DCDC2C: variants seen among roughly 807,000 people sequenced by gnomAD.
DCDC2C encodes the protein doublecortin domain-containing protein 2C.
DCDC2C carries 44 observed loss-of-function variants against 45.0 expected under a neutral mutation model. That is an observed-to-expected ratio of 0.98 (90% CI 0.77 to 1.26). The LOEUF (loss-of-function observed/expected upper bound fraction) is 1.26. DCDC2C is among the 50% of genes most tolerant of loss of function. DCDC2C has a pLI of 0.00. For synonymous variants in DCDC2C, 187 were observed against 178.8 expected (o/e 1.05, Z -0.37); for missense variants, 447 against 468.9 (o/e 0.95, Z 0.43).
chr2:3,797,066 A>G (rs886691407), intron 10 of DCDC2C, among the ~76,000 whole-genome samples: 2 of 152,166 alleles, frequency 1.3e-5, no homozygotes, highest in African/African-American at 4.8e-5. Flanking sequence ...TGGTCTATTC[A>G]GAGATTCAAC....
At chr2:3,788,801 C>CCCTT (rs1558228370) in intron 10 of DCDC2C, among the ~76,000 whole-genome samples, 1 of 86,604 alleles carries the variant, frequency 1.2e-5, no homozygotes, top group Non-Finnish European at 2.4e-5. Flanking sequence ...TCCCTTCCTT[C>CCCTT]CCTCCCTTCC....
rs1475931252 is a variant in DCDC2C, at chr2:3,734,889, T to C, written c.417-7031T>C. Among the ~76,000 whole-genome samples the C allele has an allele frequency of 1.3e-5, 2 of 152,148 alleles. No homozygotes were observed. The highest frequency in any genetic ancestry group is 2.4e-5 in the African/African-American group (1 of 41,426). ...CCCTTCAGGTTCATGAAAGTGTCTT[T>C]AGATAGGGGGTTCCTTACTCCCGGG... On this transcript the variant is annotated intron_variant, in intron 3 of 10. Transcript: ENST00000399143. The surrounding 1 kb of genome is among the most constrained non-coding windows in gnomAD (Gnocchi z 4.2).
intron 4 of DCDC2C, among the ~76,000 whole-genome samples, chr2:3,749,355 T>G: frequency 6.6e-6 from 1 of 152,230 alleles, no homozygotes; most frequent in East Asian, 1.9e-4. Context: ...ATATCCATAT[T>G]CTGGCTATTC....
At chr2:3,804,755 C>G (rs146195352) in intron 10 of DCDC2C, among the ~76,000 whole-genome samples, 1 of 152,254 alleles carries the variant, frequency 6.6e-6, no homozygotes, top group East Asian at 1.9e-4. Flanking sequence ...GTACTTCTAC[C>G]CGTGCTGCAC....
At chr2:3,741,494 C>A (rs1003369215) in intron 3 of DCDC2C, among the ~76,000 whole-genome samples, 14 of 152,110 alleles carry the variant, frequency 9.2e-5, no homozygotes, top group African/African-American at 3.4e-4. Flanking sequence ...AGCCCCAGAG[C>A]CTGCCCGTCT....
chr2:3,742,835 G>A (rs1272064736), intron 4 of DCDC2C, among the ~76,000 whole-genome samples: 2 of 152,224 alleles, frequency 1.3e-5, no homozygotes, highest in Non-Finnish European at 2.9e-5. Flanking sequence ...CCCAAGGCCA[G>A]AACTTAGGTT....
chr2:3,839,138 T>G (rs1023910816), intron 10 of DCDC2C, among the ~76,000 whole-genome samples: 2 of 152,222 alleles, frequency 1.3e-5, no homozygotes, highest in African/African-American at 4.8e-5. Flanking sequence ...TTCAAACTAC[T>G]TTTTGATGTA....
intron 4 of DCDC2C, 84 bp from the exon 5 acceptor site, chr2:3,752,679 T>C (rs1223492823): frequency 1.4e-6 from 2 of 1,452,452 alleles, no homozygotes; most frequent in African/African-American, 1.4e-5. Context: ...GCACTAGTCA[T>C]GTCATAGTGT....
chr2:3,815,312 C>A (rs1261739991), intron 10 of DCDC2C, among the ~76,000 whole-genome samples: 7 of 152,040 alleles, frequency 4.6e-5, no homozygotes, highest in African/African-American at 1.7e-4. Flanking sequence ...CTCAGGTGAG[C>A]CGCTGCACTG....
At position 3,725,631 on chromosome 2, in the gene DCDC2C, C is replaced by G. The variant is rs1293614876; in HGVS notation, c.340-1372C>G. Among the ~76,000 whole-genome samples, 17 of 120,362 alleles carry G rather than the reference C, an allele frequency of 1.4e-4. 1 individual carries two copies. The highest frequency in any genetic ancestry group is 2.9e-4 in the East Asian group (1 of 3,464). The allele number at this position is 120,362 out of a possible 152,430, so 79.0% of individuals were successfully genotyped here. The stretch of plus-strand genomic sequence containing the variant: ...TCCTGGAGGGAGACCGCCAGAGTGA[C>G]GAGGATGGCCAGGTGGATCCCGGAG... On this transcript the variant is annotated intron_variant, in intron 2 of 10. Coordinates refer to ENST00000399143, the MANE Select transcript of DCDC2C (RefSeq NM_001287444.2).
chr2:3,822,597 AG>A (rs1671721101), intron 10 of DCDC2C, among the ~76,000 whole-genome samples: 2 of 78,534 alleles, frequency 2.5e-5, no homozygotes, highest in African/African-American at 5.5e-5. Context: ...AATTTTCTCT[AG>A]TTTTAAAATT....
chr2:3,770,050 C>T (rs1014505657), intron 8 of DCDC2C, among the ~76,000 whole-genome samples: 4 of 152,146 alleles, frequency 2.6e-5, no homozygotes, highest in Admixed American at 6.5e-5. Context: ...AGCCCAGCTG[C>T]GCACCTGAGT....
At chr2:3,832,914 C>T (rs1273978200) in intron 10 of DCDC2C, among the ~76,000 whole-genome samples, 1 of 152,198 alleles carries the variant, frequency 6.6e-6, no homozygotes, top group Non-Finnish European at 1.5e-5. Context: ...TGGCTTAAAA[C>T]AGCACAAGGT....
intron 2 of DCDC2C, among the ~76,000 whole-genome samples, chr2:3,710,278 T>C (rs1668170558): frequency 6.6e-6 from 1 of 152,122 alleles, no homozygotes; most frequent in Admixed American, 6.5e-5. Flanking sequence ...GCCATGGTGG[T>C]TTGTGGCACA....
At chr2:3,763,925 G>A (rs1010548890) in intron 6 of DCDC2C, among the ~76,000 whole-genome samples, 2 of 152,210 alleles carry the variant, frequency 1.3e-5, no homozygotes, top group Non-Finnish European at 2.9e-5. Flanking sequence ...TCACCCACCA[G>A]AGCTGCTCAG....
chr2:3,727,617 G>T (rs1185335586), intron 3 of DCDC2C, among the ~76,000 whole-genome samples: 1 of 152,252 alleles, frequency 6.6e-6, no homozygotes, highest in Non-Finnish European at 1.5e-5. Context: ...GCCGCTGGCA[G>T]TGCCAGGCAC....
intron 10 of DCDC2C, among the ~76,000 whole-genome samples, chr2:3,790,156 T>G (rs1670766612): frequency 1.3e-5 from 2 of 152,162 alleles, no homozygotes; most frequent in Non-Finnish European, 2.9e-5. Context: ...CTACAGAAGC[T>G]GAGAAACTGT....
chr2:3,844,814 G>A (rs190031806), intron 10 of DCDC2C, among the ~76,000 whole-genome samples: 48 of 152,242 alleles, frequency 3.2e-4, no homozygotes, highest in Admixed American at 6.5e-4. Flanking sequence ...ATCATTGCCC[G>A]CTGGGGCCGA....
intron 6 of DCDC2C, among the ~76,000 whole-genome samples, chr2:3,755,375 G>T (rs531514840): frequency 1.3e-5 from 2 of 152,180 alleles, no homozygotes; most frequent in South Asian, 4.1e-4. Context: ...GTGTATGGGT[G>T]CATGTGTATG....
Sources: gnomAD v4.1 joint callset for allele counts (sites outside exome capture counted in the v4.1 genomes callset) on GRCh38, gnomAD v4.1.1 for gene constraint, Gnocchi (gnomAD v3.1) non-coding constraint, MANE v1.5 for transcripts, NCBI Gene and HGNC (gene_info 2026-07-23, HGNC 2026-07-21) for gene names.